Variants in ELOVL6 observed in about 807,000 individuals in gnomAD.
The protein encoded by ELOVL6 is ELOVL fatty acid elongase 6.
In ELOVL6, 8 loss-of-function variants were observed where a neutral mutation model predicts 31.7. The observed-to-expected ratio is 0.25, with a 90% CI of 0.15 to 0.45. The LOEUF is 0.45. ELOVL6 is among the 20% of genes least tolerant of loss of function. The pLI, the probability that ELOVL6 is intolerant of heterozygous loss-of-function variation, is 1.00. For synonymous variants in ELOVL6, 101 were observed against 117.7 expected, an observed-to-expected ratio of 0.86 and a Z score of 0.92; for missense variants, 126 against 326.4, an observed-to-expected ratio of 0.39 and a Z score of 4.73.
At chr4:110,093,287 T>C (rs1332661645) in intron 2 of ELOVL6, among the ~76,000 whole-genome samples, 1 of 152,210 alleles carries the variant, frequency 6.6e-6, no homozygotes, top group Non-Finnish European at 1.5e-5. Context: ...CTGTGAGAAC[T>C]GGGATAAAAA....
At chr4:110,129,780 T>A (rs2126256934) in intron 1 of ELOVL6, among the ~76,000 whole-genome samples, 1 of 152,316 alleles carries the variant, frequency 6.6e-6, no homozygotes. Flanking sequence ...CCAGCTGCCT[T>A]GTCAGCTCTA....
intron 2 of ELOVL6, among the ~76,000 whole-genome samples, chr4:110,091,763 C>T (rs78179132): frequency 0.089 from 12,649 of 142,226 alleles, 685 homozygotes; most frequent in South Asian, 0.16. Context: ...CAAAAAGCCA[C>T]CCCTCTGTCT....
chr4:110,186,716 A>C (rs1376828146), intron 1 of ELOVL6, among the ~76,000 whole-genome samples: 2 of 150,284 alleles, frequency 1.3e-5, no homozygotes, highest in Non-Finnish European at 3.0e-5. Flanking sequence ...AGGTGGGAGA[A>C]TCACTTGAAC....
chr4:110,122,201 GA>G (rs1398518409), intron 1 of ELOVL6, among the ~76,000 whole-genome samples: 1 of 152,096 alleles, frequency 6.6e-6, no homozygotes, highest in African/African-American at 2.4e-5. Context: ...TATATAAAAG[GA>G]AATGTAAACA....
At chr4:110,138,061 T>C (rs954788094) in intron 1 of ELOVL6, among the ~76,000 whole-genome samples, 1 of 152,212 alleles carries the variant, frequency 6.6e-6, no homozygotes, top group East Asian at 1.9e-4. Context: ...ATTACAGAAA[T>C]GCATAGAGCA....
At chr4:110,060,548 C>A (rs986443410) in intron 2 of ELOVL6, among the ~76,000 whole-genome samples, 3 of 152,166 alleles carry the variant, frequency 2.0e-5, no homozygotes, top group African/African-American at 4.8e-5. Context: ...TAAACAATTT[C>A]TTTAAATCAG....
intron 1 of ELOVL6, among the ~76,000 whole-genome samples, chr4:110,112,376 G>A (rs1416109895): frequency 2.0e-5 from 3 of 152,156 alleles, no homozygotes; most frequent in African/African-American, 4.8e-5. Flanking sequence ...GCTAATCACA[G>A]CATTATTTCA....
rs142789541 is a variant in ELOVL6, at chr4:110,088,780, C to T, written c.221+16717G>A. Among the ~76,000 whole-genome samples the T allele has an allele frequency of 3.9e-5, 6 of 152,288 alleles. No homozygotes were observed. The South Asian group carries it at 8.3e-4, about 21-fold the overall frequency. ...GATCACCAACAGGGCTACTAAGTGA[C>T]TCACAGGTGTGAATCTGCTTGATAA... On this transcript the variant is annotated intron_variant, in intron 2 of 3. Coordinates refer to ENST00000302274, the MANE Select transcript of ELOVL6 (RefSeq NM_024090.3).
intron 2 of ELOVL6, among the ~76,000 whole-genome samples, chr4:110,098,396 T>C (rs903570095): frequency 6.6e-6 from 1 of 152,158 alleles, no homozygotes; most frequent in African/African-American, 2.4e-5. Flanking sequence ...ACAAACCAAA[T>C]GTCATTAATT....
chr4:110,076,472 C>G (rs546179698), intron 2 of ELOVL6, among the ~76,000 whole-genome samples: 1 of 152,074 alleles, frequency 6.6e-6, no homozygotes, highest in Non-Finnish European at 1.5e-5. Context: ...CAGTGCAGAT[C>G]AAGTAGGAGA....
At chr4:110,084,356 A>G (rs1446682189) in intron 2 of ELOVL6, among the ~76,000 whole-genome samples, 2 of 119,648 alleles carry the variant, frequency 1.7e-5, no homozygotes, top group Admixed American at 1.8e-4. Flanking sequence ...TATATGATAT[A>G]TACCGCATAT....
chr4:110,086,753 G>C (rs1275009830), intron 2 of ELOVL6, among the ~76,000 whole-genome samples: 1 of 152,156 alleles, frequency 6.6e-6, no homozygotes, highest in Non-Finnish European at 1.5e-5. Flanking sequence ...CAAAAAGTTA[G>C]TATGTATCCA....
rs544234717 is a variant in ELOVL6 at position 110,090,600 on chromosome 4, C to CTTTTTTTTTTTTTTTTTTTTTT, written c.221+14896_221+14897insAAAAAAAAAAAAAAAAAAAAAA. Among the ~76,000 whole-genome samples the CTTTTTTTTTTTTTTTTTTTTTT allele has an allele frequency of 4.4e-4, 46 of 103,702 alleles. 2 individuals carry two copies. Among genetic ancestry groups the CTTTTTTTTTTTTTTTTTTTTTT allele is most frequent in the Non-Finnish European group, 6.3e-4 (35 of 55,216 alleles). 68.0% of individuals were successfully genotyped at this position (103,702 alleles called of 152,430 possible). ...GGAACTTACAGGAAAGTTTGACTTT[C>CTTTTTTTTTTTTTTTTTTTTTT]TTTTTTTTTTTTTTTTTTTTCATGA... On this transcript the variant is annotated intron_variant, in intron 2 of 3. Coordinates refer to ENST00000302274, the MANE Select transcript of ELOVL6 (RefSeq NM_024090.3).
At chr4:110,099,941 T>C (rs527489750) in intron 2 of ELOVL6, among the ~76,000 whole-genome samples, 1 of 152,226 alleles carries the variant, frequency 6.6e-6, no homozygotes, top group Non-Finnish European at 1.5e-5. Flanking sequence ...CAAATCTAAC[T>C]TCTTTGCCAC....
intron 1 of ELOVL6, among the ~76,000 whole-genome samples, chr4:110,162,023 G>T (rs542193709): frequency 3.9e-5 from 6 of 152,276 alleles, no homozygotes; most frequent in African/African-American, 1.4e-4. Flanking sequence ...CCGCAGGGAG[G>T]AGAATTGTGT....
At position 110,065,621 on chromosome 4, in the gene ELOVL6, C is replaced by G. The variant is rs76982200; in HGVS notation, c.222-5867G>C. 5.8e-3 allele frequency among the ~76,000 whole-genome samples: 881 copies of G among 152,270 alleles called. 4 individuals are homozygous for G. Among genetic ancestry groups the G allele is most frequent in the African/African-American group, 0.019 (782 of 41,560 alleles). On this transcript the variant is annotated intron_variant, in intron 2 of 3. Coordinates refer to ENST00000302274, the MANE Select transcript of ELOVL6 (RefSeq NM_024090.3). ...CCTGGGTGACAGAGTGAGACCCTTT[C>G]TCAAAACGACAACAACAGCAACAAC... is the stretch of plus-strand genomic sequence containing the variant.
In ELOVL6 at chr4:110,152,255, T is replaced by C. The variant is rs377193512; in HGVS notation, c.89+45992A>G. Among the ~76,000 whole-genome samples, 6 of 152,324 alleles carry C rather than the reference T, an allele frequency of 3.9e-5. No homozygotes were observed. The South Asian group carries it at 1.2e-3, about 32-fold the overall frequency. On this transcript the variant is annotated intron_variant, in intron 1 of 3. Coordinates refer to ENST00000302274, the MANE Select transcript of ELOVL6 (RefSeq NM_024090.3). The stretch of plus-strand genomic sequence containing the variant: ...CATATCAAGTCCTATTATGGACACT[T>C]CTCTTTGCAGAGAATTAACTAAATA...
At chr4:110,085,345 T>C (rs970105877) in intron 2 of ELOVL6, among the ~76,000 whole-genome samples, 2 of 151,996 alleles carry the variant, frequency 1.3e-5, no homozygotes, top group South Asian at 2.1e-4. Flanking sequence ...AAGTGAGAGG[T>C]TACCAGAACA....
chr4:110,173,794 A>G (rs1416130409), intron 1 of ELOVL6, among the ~76,000 whole-genome samples: 1 of 151,766 alleles, frequency 6.6e-6, no homozygotes, highest in Non-Finnish European at 1.5e-5. Flanking sequence ...AAATGATAAG[A>G]ACTTATGAAT....
Sources: allele counts gnomAD v4.1 joint callset (sites outside exome capture counted in the v4.1 genomes callset), GRCh38; gene constraint gnomAD v4.1.1; transcripts MANE v1.5; gene names NCBI Gene and HGNC (gene_info 2026-07-23, HGNC 2026-07-21).